The following GABBR2 variants were observed in gnomAD, a reference collection of about 807,000 sequenced individuals.
GABBR2 encodes the protein gamma-aminobutyric acid type B receptor subunit 2.
In GABBR2, 23 loss-of-function variants were observed where a neutral mutation model predicts 105.6. That is an observed-to-expected ratio of 0.22 (90% confidence interval 0.16 to 0.31). The LOEUF is 0.31. Among genes scored for constraint, GABBR2 ranks in the 10% least tolerant of loss-of-function variants. The probability of loss-of-function intolerance (pLI) is 1.00; values close to 1 mark genes in which losing one functional copy is unlikely to be tolerated. For missense variants in GABBR2, 734 were observed against 1,245.5 expected, an observed-to-expected ratio of 0.59 and a Z score of 6.18; for synonymous variants, 478 against 499.7, an observed-to-expected ratio of 0.96 and a Z score of 0.58.
At chr9:98,680,005 C>G (rs1476432875) in intron 1 of GABBR2, among the ~76,000 whole-genome samples, 1 of 152,200 alleles carries the variant, frequency 6.6e-6, no homozygotes. Flanking sequence ...TCATGTAAAA[C>G]TTATATTAAA....
At chr9:98,575,709 G>A (rs943548720) in intron 2 of GABBR2, among the ~76,000 whole-genome samples, 10 of 152,164 alleles carry the variant, frequency 6.6e-5, no homozygotes, top group Non-Finnish European at 1.5e-5. Flanking sequence ...ATGAGGCCAG[G>A]CTCCCACGGC....
At chr9:98,424,011 T>C (rs1832830099) in intron 7 of GABBR2, among the ~76,000 whole-genome samples, 1 of 152,196 alleles carries the variant, frequency 6.6e-6, no homozygotes, top group African/African-American at 2.4e-5. Flanking sequence ...CCATGCTGTT[T>C]TGGTTACTGT....
At chr9:98,401,378 C>A (rs578073060) in intron 8 of GABBR2, among the ~76,000 whole-genome samples, 100 of 152,210 alleles carry the variant, frequency 6.6e-4, no homozygotes, top group African/African-American at 2.4e-3. Context: ...GGGCTCCCTT[C>A]AACATGGAGA....
intron 7 of GABBR2, among the ~76,000 whole-genome samples, chr9:98,451,612 C>T (rs1826231046): frequency 2.6e-5 from 4 of 152,166 alleles, no homozygotes; most frequent in Admixed American, 2.6e-4. Flanking sequence ...GGCTGGGCCC[C>T]ACCCCGAGAG....
chr9:98,444,990 T>C (rs1826100935), intron 7 of GABBR2, among the ~76,000 whole-genome samples: 1 of 152,276 alleles, frequency 6.6e-6, no homozygotes, highest in Non-Finnish European at 1.5e-5. Context: ...CTAAGTCCTG[T>C]TAATACTTCT....
chr9:98,697,130 C>G (rs1830762911), intron 1 of GABBR2, among the ~76,000 whole-genome samples: 1 of 152,192 alleles, frequency 6.6e-6, no homozygotes, highest in East Asian at 1.9e-4. Flanking sequence ...CAGCTCGACA[C>G]TTGGTTGGTT....
rs921463721 is a variant in GABBR2 at position 98,393,342 on chromosome 9, ACCAT to A, written c.1378+829_1378+832del. Among the ~76,000 whole-genome samples, 8 of 104,694 alleles carry A rather than the reference ACCAT, an allele frequency of 7.6e-5. 1 individual carries two copies. In the East Asian group the frequency reaches 1.1e-3, roughly 15 times the overall value. The allele number at this position is 104,694 out of a possible 152,430, so 68.7% of individuals were successfully genotyped here. A position where few individuals can be genotyped will look rare whatever the true frequency, so the allele number is the denominator to read the frequency against. On this transcript the variant is annotated intron_variant, in intron 9 of 18. Transcript: ENST00000259455. The stretch of plus-strand genomic sequence containing the variant: ...ACACACCCATCCAGGCATCCACCCA[ACCAT>A]CCATCCATCCATCCATCCATCCACA...
At chr9:98,482,970 A>T (rs1564087566) in intron 4 of GABBR2, among the ~76,000 whole-genome samples, 1 of 151,864 alleles carries the variant, frequency 6.6e-6, no homozygotes, top group Admixed American at 6.6e-5. Context: ...CACCTAGTTC[A>T]TGACCCCAGC....
chr9:98,559,401 A>G (rs1828634064), intron 2 of GABBR2, among the ~76,000 whole-genome samples: 1 of 152,246 alleles, frequency 6.6e-6, no homozygotes, highest in Non-Finnish European at 1.5e-5. Context: ...AAGTGCTGGG[A>G]TTACAGGCGT....
intron 1 of GABBR2, among the ~76,000 whole-genome samples, chr9:98,589,781 C>G (rs1216776847): frequency 6.7e-6 from 1 of 148,492 alleles, no homozygotes; most frequent in Non-Finnish European, 1.5e-5. Flanking sequence ...GTGGTGCCAT[C>G]ATGGCTCACA....
chr9:98,578,686 T>G (rs1828955848), intron 1 of GABBR2, among the ~76,000 whole-genome samples: 1 of 152,078 alleles, frequency 6.6e-6, no homozygotes, highest in South Asian at 2.1e-4. Context: ...TCATTCATGA[T>G]AGCCAACAGA....
At chr9:98,386,400 G>A (rs763904789) in intron 10 of GABBR2, among the ~76,000 whole-genome samples, 3 of 152,114 alleles carry the variant, frequency 2.0e-5, no homozygotes, top group East Asian at 3.9e-4. Context: ...ACACTGTTCC[G>A]TGCACAAAGA....
intron 13 of GABBR2, among the ~76,000 whole-genome samples, chr9:98,313,824 C>T (rs1830673080): frequency 6.6e-6 from 1 of 152,106 alleles, no homozygotes; most frequent in Non-Finnish European, 1.5e-5. Context: ...CGTTTAGAAA[C>T]TAGTTTTTTG....
chr9:98,297,396 A>C (rs1186348051), intron 17 of GABBR2, among the ~76,000 whole-genome samples: 2 of 152,040 alleles, frequency 1.3e-5, no homozygotes, highest in Non-Finnish European at 2.9e-5. Flanking sequence ...GGATCACCTG[A>C]GGTCAGGAGT....
intron 1 of GABBR2, among the ~76,000 whole-genome samples, chr9:98,659,373 GA>G (rs1209087958): frequency 2.0e-5 from 3 of 151,980 alleles, no homozygotes; most frequent in Admixed American, 6.6e-5. Context: ...ATTCACTGGA[GA>G]AAATCAGACG....
intron 13 of GABBR2, among the ~76,000 whole-genome samples, chr9:98,329,888 A>G (rs1830993731): frequency 6.6e-6 from 1 of 151,370 alleles, no homozygotes; most frequent in African/African-American, 2.4e-5. Flanking sequence ...TCTCACACAC[A>G]CACATGCACA....
intron 1 of GABBR2, among the ~76,000 whole-genome samples, chr9:98,672,993 G>C (rs10512258): frequency 0.71 from 107,854 of 152,082 alleles, 39,231 homozygotes; most frequent in East Asian, 0.85. Context: ...CACATAATAA[G>C]CAATCATTTA....
chr9:98,312,241 C>G (rs1372497633), intron 13 of GABBR2, among the ~76,000 whole-genome samples: 1 of 152,230 alleles, frequency 6.6e-6, no homozygotes, highest in African/African-American at 2.4e-5. Context: ...TCCAATCCAG[C>G]ATCATTATTG....
intron 1 of GABBR2, among the ~76,000 whole-genome samples, chr9:98,667,189 G>T (rs1347499654): frequency 6.6e-6 from 1 of 152,156 alleles, no homozygotes; most frequent in East Asian, 1.9e-4. Flanking sequence ...GGTCTCAGCT[G>T]TTTCCCAAAG....
Sources: allele counts gnomAD v4.1 joint callset (sites outside exome capture counted in the v4.1 genomes callset), GRCh38; gene constraint gnomAD v4.1.1; transcripts MANE v1.5; gene names NCBI Gene and HGNC (gene_info 2026-07-23, HGNC 2026-07-21).